CAPZA1: variants seen among roughly 807,000 people sequenced by gnomAD.
CAPZA1 encodes the protein F-actin-capping protein subunit alpha-1.
In CAPZA1, 10 loss-of-function variants were observed where a neutral mutation model predicts 40.8. The observed-to-expected ratio is 0.25, with a 90% CI of 0.15 to 0.42. CAPZA1 has a LOEUF of 0.42. Among genes scored for constraint, CAPZA1 ranks in the 10% least tolerant of loss-of-function variants. The pLI is 1.00. For missense variants in CAPZA1, 277 were observed against 353.8 expected, an observed-to-expected ratio of 0.78 and a Z score of 1.74; for synonymous variants, 98 against 115.0, an observed-to-expected ratio of 0.85 and a Z score of 0.95.
intron 5 of CAPZA1, among the ~76,000 whole-genome samples, chr1:112,656,466 T>TTTTTTTTTTTTTTTTTTTTC: frequency 1.1e-5 from 1 of 94,410 alleles, no homozygotes; most frequent in Non-Finnish European, 2.2e-5. Flanking sequence ...TTTTTTTTTT[T>TTTTTTTTTTTTTTTTTTTTC]AATGAGAATA....
intron 8 of CAPZA1, 72 bp from the exon 9 acceptor site, chr1:112,669,471 C>A: frequency 9.7e-7 from 1 of 1,032,130 alleles, no homozygotes; most frequent in Non-Finnish European, 1.5e-6. Context: ...TTAAGATGGA[C>A]TTACTTTCAG....
Position 112,647,276 on chromosome 1 carries a change from G to T in CAPZA1, c.103+3G>T. On this transcript the variant is annotated splice_donor_region_variant and intron_variant, in intron 2 of 9. Transcript: ENST00000263168. ...GGAATTTAATGAAGTATTCAATGGT[G>T]AGTAAAGATTAGTATTTTAATCCCT... 6.8e-7 allele frequency: 1 copy of T among 1,465,312 alleles called. No homozygotes were observed. The allele number at this position is 1,465,312 out of a possible 1,614,324, so 90.8% of individuals were successfully genotyped here.
chr1:112,659,582 C>CT, intron 6 of CAPZA1, 119 bp from the exon 7 acceptor site: 1 of 426,664 alleles, frequency 2.3e-6, no homozygotes, highest in Non-Finnish European at 3.7e-6. Flanking sequence ...GTTTCTCTCT[C>CT]TCTCTTTTTT....
chr1:112,634,645 A>G (rs1338166525), intron 1 of CAPZA1: 1 of 152,192 alleles, frequency 6.6e-6, no homozygotes, highest in South Asian at 2.1e-4. Flanking sequence ...TTATATTTTA[A>G]GTATTCTGCT....
intron 1 of CAPZA1, 36 bp from the exon 2 acceptor site, chr1:112,647,174 A>G (rs1014382547): frequency 1.1e-5 from 12 of 1,076,554 alleles, no homozygotes; most frequent in Non-Finnish European, 1.6e-5. Context: ...GTTACTCTTC[A>G]TAATTCTCCT....
intron 3 of CAPZA1, among the ~76,000 whole-genome samples, chr1:112,653,149 G>A (rs1671429712): frequency 6.6e-6 from 1 of 152,194 alleles, no homozygotes; most frequent in Non-Finnish European, 1.5e-5. Flanking sequence ...ATTGTTGGCA[G>A]TTCACAATAA....
chr1:112,630,417 C>T (rs1180659280), intron 1 of CAPZA1, among the ~76,000 whole-genome samples: 1 of 152,108 alleles, frequency 6.6e-6, no homozygotes, highest in East Asian at 1.9e-4. Context: ...CATCTCGGCT[C>T]ACTGCAACCT....
intron 1 of CAPZA1, among the ~76,000 whole-genome samples, chr1:112,621,744 TAA>T (rs1670672372): frequency 1.3e-5 from 2 of 149,982 alleles, no homozygotes; most frequent in African/African-American, 4.9e-5. Context: ...TTAATAACAT[TAA>T]TGTCTTGGGT....
chr1:112,641,792 G>A (rs1026634947), intron 1 of CAPZA1, among the ~76,000 whole-genome samples: 1 of 151,288 alleles, frequency 6.6e-6, no homozygotes, highest in African/African-American at 2.4e-5. Flanking sequence ...AAGAGGCTGA[G>A]GCCGGAGAAT....
At chr1:112,635,553 CTTT>C (rs5777132) in intron 1 of CAPZA1, among the ~76,000 whole-genome samples, 3 of 139,544 alleles carry the variant, frequency 2.1e-5, no homozygotes, top group African/African-American at 7.9e-5. Flanking sequence ...TTGTCAAGGA[CTTT>C]TTTTTTTTTT....
At chr1:112,648,355 T>C (rs996451377) in intron 2 of CAPZA1, among the ~76,000 whole-genome samples, 3 of 147,792 alleles carry the variant, frequency 2.0e-5, no homozygotes, top group South Asian at 2.1e-4. Flanking sequence ...TTCTTTTTTT[T>C]TTTTTTTTTT....
intron 5 of CAPZA1, among the ~76,000 whole-genome samples, chr1:112,656,082 CA>C (rs1036962165): frequency 1.3e-5 from 2 of 151,992 alleles, no homozygotes; most frequent in African/African-American, 2.4e-5. Flanking sequence ...ACATATTTAT[CA>C]TTTTTTTGTT....
chr1:112,636,089 G>A (rs1174470990), intron 1 of CAPZA1, among the ~76,000 whole-genome samples: 1 of 152,132 alleles, frequency 6.6e-6, no homozygotes, highest in African/African-American at 2.4e-5. Flanking sequence ...AATGTGTGGG[G>A]TCTGTTATTA....
intron 3 of CAPZA1, among the ~76,000 whole-genome samples, chr1:112,651,758 G>C (rs1671391157): frequency 6.6e-6 from 1 of 151,854 alleles, no homozygotes; most frequent in Admixed American, 6.6e-5. Flanking sequence ...CCTTTCTGAA[G>C]AGCTAATGTG....
intron 7 of CAPZA1, among the ~76,000 whole-genome samples, chr1:112,665,041 CTGAG>C (rs1301982795): frequency 2.6e-5 from 4 of 152,164 alleles, no homozygotes; most frequent in Non-Finnish European, 5.9e-5. Context: ...GCTAAGATTA[CTGAG>C]TAAGTGAGAT....
intron 7 of CAPZA1, among the ~76,000 whole-genome samples, chr1:112,664,245 AAAAAG>A (rs1468557882): frequency 1.6e-4 from 24 of 151,732 alleles, no homozygotes; most frequent in African/African-American, 5.6e-4. Context: ...AAAAAAAAAA[AAAAAG>A]ATACTTATTT....
At chr1:112,654,409 G>T in intron 4 of CAPZA1, 56 bp from the exon 5 acceptor site, 1 of 1,101,874 alleles carries the variant, frequency 9.1e-7, no homozygotes, top group Non-Finnish European at 1.3e-6. Context: ...TTTCATAAAA[G>T]GCAGTAAGAA....
intron 1 of CAPZA1, among the ~76,000 whole-genome samples, chr1:112,637,760 T>G (rs1671050281): frequency 6.6e-6 from 1 of 152,230 alleles, no homozygotes; most frequent in South Asian, 2.1e-4. Flanking sequence ...GCCCACTGCC[T>G]GTTTTTATAG....
intron 1 of CAPZA1, among the ~76,000 whole-genome samples, chr1:112,621,921 C>T (rs1670683380): frequency 6.6e-6 from 1 of 151,964 alleles, no homozygotes; most frequent in Admixed American, 6.6e-5. Flanking sequence ...GCCACCAAGC[C>T]TGGCTAATTT....
Sources: allele counts gnomAD v4.1 joint callset (sites outside exome capture counted in the v4.1 genomes callset), GRCh38; gene constraint gnomAD v4.1.1; transcripts MANE v1.5; gene names NCBI Gene and HGNC (gene_info 2026-07-23, HGNC 2026-07-21).